Variants in CCDC38 observed in about 807,000 individuals in gnomAD.
The protein encoded by CCDC38 is coiled-coil domain-containing protein 38.
A neutral mutation model predicts 72.8 loss-of-function variants in CCDC38; 69 were observed. That is an observed-to-expected ratio of 0.95 (90% CI 0.78 to 1.16). CCDC38 has a LOEUF of 1.16. Among genes scored for constraint, CCDC38 ranks in the 50% most tolerant of loss-of-function variants. CCDC38 has a pLI of 0.00. For missense variants in CCDC38, 626 were observed against 638.9 expected, an observed-to-expected ratio of 0.98 and a Z score of 0.22; for synonymous variants, 201 against 213.2, an observed-to-expected ratio of 0.94 and a Z score of 0.50.
chr12:95,885,252 A>T lies in CCDC38; in HGVS notation c.920+3206T>A, dbSNP rs1256415855. 3.3e-5 allele frequency: 5 copies of T among 153,218 alleles called. No individual in the cohort carries two copies. In the East Asian group the frequency reaches 7.6e-4, roughly 23 times the overall value. 9.5% of individuals were successfully genotyped at this position (153,218 alleles called of 1,614,324 possible). A position where few individuals can be genotyped will look rare whatever the true frequency, so the allele number is the denominator to read the frequency against. On this transcript the variant is annotated intron_variant, in intron 10 of 15. Transcript: ENST00000344280. Reference sequence around the variant, plus strand: ...CTTCTGGACTCGACCCAGTCCTAAGACACAGATCTTCAGTGGATAAAGAAG... The same window carrying T: ...CTTCTGGACTCGACCCAGTCCTAAGTCACAGATCTTCAGTGGATAAAGAAG...
At chr12:95,927,187 C>G (rs1406487385) in intron 2 of CCDC38, among the ~76,000 whole-genome samples, 1 of 152,054 alleles carries the variant, frequency 6.6e-6, no homozygotes, top group African/African-American at 2.4e-5. Flanking sequence ...AAGTCTCTTT[C>G]TAGGTCGCTC....
In CCDC38 at chr12:95,879,596, G is replaced by T; in HGVS notation, c.1142+48C>A. The stretch of plus-strand genomic sequence containing the variant: ...GTGAGTGAGTTGGACCCAGGCTCTG[G>T]TTAGAAATTGCTTAATGGAATAAAT... On this transcript the variant is annotated intron_variant, in intron 12 of 15. Transcript: ENST00000344280. This position sits in a 1 kb window ranked among gnomAD's most constrained non-coding sequence, Gnocchi z 5.5. The T allele has an allele frequency of 2.9e-6, 4 of 1,376,570 alleles. No individual in the cohort carries two copies. Among genetic ancestry groups the T allele is most frequent in the South Asian group, 1.4e-5 (1 of 74,060 alleles). The allele number at this position is 1,376,570 out of a possible 1,614,324, so 85.3% of individuals were successfully genotyped here.
At chr12:95,889,033 CT>C (rs63374760) in intron 9 of CCDC38, 1,479 of 84,956 alleles carry the variant, frequency 0.017, 3 homozygotes, top group South Asian at 0.033. Context: ...ATTGTCTCAG[CT>C]TTTTTTTTTT....
chr12:95,918,890 C>T lies in CCDC38; in HGVS notation c.124G>A (p.Ala42Thr). Residue 42 changes from alanine to threonine, a missense_variant, in exon 3 of 16, where the codon GCA (alanine) becomes ACA (threonine). Ala to Thr is a moderately conservative substitution (Grantham distance 58). Transcript: ENST00000344280. The stretch of plus-strand genomic sequence containing the variant: ...TTAAACTTTACCGTTTCCTTTGCTG[C>T]CATTTCATTTTCTTTGACAAGAAAG... ...DLFLVKENEM[A>T]AKETEKFMNR... 1.2e-6 allele frequency: 2 copies of T among 1,603,140 alleles called. No individual in the cohort carries two copies. The highest frequency in any genetic ancestry group is 1.7e-6 in the Non-Finnish European group (2 of 1,170,066).
rs11108315 is a variant in CCDC38, at chr12:95,879,732, G to A, written c.1054C>T (p.Gln352Ter). Residue 352 changes from glutamine (Q) to a stop codon, truncating the protein, a stop_gained, in exon 12 of 16, where the codon CAG (glutamine) becomes TAG (stop). Coordinates refer to ENST00000344280, the MANE Select transcript of CCDC38 (RefSeq NM_182496.3). LOFTEE classifies it high-confidence loss of function. The surrounding 1 kb of genome is among the most constrained non-coding windows in gnomAD (Gnocchi z 5.5). Reference protein sequence around the residue: ...LLQVLRELEEQNLTLFQYSQD... With the variant: ...LLQVLRELEE ...GAATATTGAAACAAAGTAAGATTCT[G>A]CTCTTCCAGCTCTCTGAGGACTTGA... 130 of 1,611,258 alleles carry A rather than the reference G, an allele frequency of 8.1e-5. No individual in the cohort carries two copies. The highest frequency in any genetic ancestry group is 1.0e-4 in the Non-Finnish European group (121 of 1,177,818).
At chr12:95,926,227 T>C (rs1191484684) in intron 2 of CCDC38, among the ~76,000 whole-genome samples, 1 of 149,946 alleles carries the variant, frequency 6.7e-6, no homozygotes. Flanking sequence ...GCTCCTGTTA[T>C]TGGTCTATTC....
intron 1 of CCDC38, among the ~76,000 whole-genome samples, chr12:95,937,840 G>C (rs948883444): frequency 1.3e-5 from 2 of 152,128 alleles, no homozygotes; most frequent in Non-Finnish European, 2.9e-5. Context: ...CTACGTGTGG[G>C]GGACAGGGCA....
intron 13 of CCDC38, among the ~76,000 whole-genome samples, chr12:95,873,648 ACT>A (rs1393542951): frequency 1.3e-5 from 2 of 152,094 alleles, no homozygotes; most frequent in African/African-American, 2.4e-5. Flanking sequence ...AATGTGAATC[ACT>A]CTTCAGGTAG....
At chr12:95,894,060 A>G (rs2079859224) in intron 8 of CCDC38, among the ~76,000 whole-genome samples, 2 of 152,150 alleles carry the variant, frequency 1.3e-5, no homozygotes, top group Admixed American at 1.3e-4. Flanking sequence ...CTCTACTAAA[A>G]ATACAAAAAT....
intron 2 of CCDC38, among the ~76,000 whole-genome samples, chr12:95,921,018 C>G (rs2080200873): frequency 6.6e-6 from 1 of 151,774 alleles, no homozygotes; most frequent in Non-Finnish European, 1.5e-5. Context: ...ATCCCAGCTC[C>G]TTGGGAGGCT....
intron 1 of CCDC38, among the ~76,000 whole-genome samples, chr12:95,938,227 C>A (rs914626783): frequency 6.6e-6 from 1 of 151,986 alleles, no homozygotes; most frequent in African/African-American, 2.4e-5. Flanking sequence ...TTCATTCTCA[C>A]GGGGGAAAAG....
chr12:95,895,940 C>A (rs1283435829), intron 7 of CCDC38, among the ~76,000 whole-genome samples: 1 of 151,070 alleles, frequency 6.6e-6, no homozygotes, highest in Non-Finnish European at 1.5e-5. Flanking sequence ...CCTGTAATCC[C>A]AGCTACTCAA....
chr12:95,899,068 G>A (rs572533889), intron 5 of CCDC38, among the ~76,000 whole-genome samples: 1 of 152,264 alleles, frequency 6.6e-6, no homozygotes, highest in East Asian at 1.9e-4. Flanking sequence ...GGGAAACTGG[G>A]TTGTCTGCAG....
At chr12:95,877,008 C>G (rs559974475) in intron 13 of CCDC38, among the ~76,000 whole-genome samples, 1 of 151,810 alleles carries the variant, frequency 6.6e-6, no homozygotes, top group South Asian at 2.1e-4. Flanking sequence ...TAAAGAATGA[C>G]AAAATAATGA....
intron 11 of CCDC38, among the ~76,000 whole-genome samples, chr12:95,881,274 C>T (rs2079697021): frequency 6.7e-6 from 1 of 149,466 alleles, no homozygotes; most frequent in South Asian, 2.1e-4. Flanking sequence ...TATCCTAAAT[C>T]ATTACCTTCT....
chr12:95,869,870 C>G (rs1033703246), intron 14 of CCDC38: 11 of 278,974 alleles, frequency 3.9e-5, no homozygotes, highest in Non-Finnish European at 7.3e-5. Flanking sequence ...GTTGCCTAGG[C>G]TGGAGTGCAG....
intron 1 of CCDC38, among the ~76,000 whole-genome samples, chr12:95,941,768 T>C (rs1041360558): frequency 2.6e-5 from 4 of 152,192 alleles, no homozygotes; most frequent in African/African-American, 9.7e-5. Context: ...TATATGTATG[T>C]ATAAACTTTT....
intron 2 of CCDC38, among the ~76,000 whole-genome samples, chr12:95,926,306 T>C (rs1455296365): frequency 2.0e-5 from 3 of 152,216 alleles, no homozygotes; most frequent in African/African-American, 7.2e-5. Flanking sequence ...CCATTTCTTC[T>C]AGATTTTCTA....
chr12:95,872,700 A>G (rs1377993184), intron 13 of CCDC38, among the ~76,000 whole-genome samples: 2 of 152,174 alleles, frequency 1.3e-5, no homozygotes, highest in Non-Finnish European at 2.9e-5. Flanking sequence ...TCAGCCACCC[A>G]AGTAGCTGGG....
Sources: allele counts gnomAD v4.1 joint callset (sites outside exome capture counted in the v4.1 genomes callset), GRCh38; gene constraint gnomAD v4.1.1; non-coding constraint Gnocchi (gnomAD v3.1); transcripts MANE v1.5; gene names NCBI Gene and HGNC (gene_info 2026-07-23, HGNC 2026-07-21).